The following PLCH1 variants were observed in gnomAD, a reference collection of about 807,000 sequenced individuals.
PLCH1 encodes the protein phospholipase C eta 1.
Under a neutral mutation model 126.7 loss-of-function variants are expected in PLCH1, and 60 were observed. The ratio of observed to expected loss-of-function variants is 0.47; its 90% CI spans 0.38 to 0.59. PLCH1 has a LOEUF of 0.59. Among genes scored for constraint, PLCH1 ranks in the 20% least tolerant of loss-of-function variants. The pLI is 0.00. For synonymous variants in PLCH1, 719 were observed against 734.9 expected (o/e 0.98, Z 0.35); for missense variants, 1,723 against 2,040.0 (o/e 0.84, Z 2.99).
chr3:155,723,953 CAAAAAAAAAA>C (rs34436223), intron 1 of PLCH1, among the ~76,000 whole-genome samples: 1 of 80,082 alleles, frequency 1.2e-5, no homozygotes, highest in Non-Finnish European at 2.6e-5. Flanking sequence ...AACTCCATCT[CAAAAAAAAAA>C]AAAAAAAAAA....
rs749875875 is a variant in PLCH1 at position 155,482,416 on chromosome 3, T to C, written c.3610A>G (p.Thr1204Ala). The C allele has an allele frequency of 6.2e-7, 1 of 1,614,124 alleles. No homozygotes were observed. Among genetic ancestry groups the C allele is most frequent in the Non-Finnish European group, 8.5e-7 (1 of 1,180,018 alleles). Residue 1204 changes from threonine to alanine, a missense_variant, in exon 23 of 23, where the codon ACA (threonine) becomes GCA (alanine). This residue lies in a region of PLCH1 where 947 missense variants were observed against 977.1 expected (regional missense o/e 0.97). Coordinates refer to ENST00000460012, the MANE Select transcript of PLCH1 (RefSeq NM_014996.4). ...GTATTATGAAGATGAGAAACAACTG[T>C]GAGAGCCTGATTGTTGGTCTCATCA... Reference protein sequence around the residue: ...QFDETNNQALTVVSHLHNTSV... With the variant: ...QFDETNNQALAVVSHLHNTSV...
intron 1 of PLCH1, among the ~76,000 whole-genome samples, chr3:155,713,721 C>T (rs1747314226): frequency 6.6e-6 from 1 of 152,220 alleles, no homozygotes; most frequent in African/African-American, 2.4e-5. Context: ...CTTACTAACA[C>T]TGTGTTTCAG....
chr3:155,740,790 G>A (rs975090237), intron 1 of PLCH1, among the ~76,000 whole-genome samples: 1 of 152,174 alleles, frequency 6.6e-6, no homozygotes, highest in Non-Finnish European at 1.5e-5. Flanking sequence ...GTAACTCTGC[G>A]TTGTCATCCC....
intron 8 of PLCH1, among the ~76,000 whole-genome samples, chr3:155,555,601 G>A (rs1726722368): frequency 6.6e-6 from 1 of 152,214 alleles, no homozygotes; most frequent in Non-Finnish European, 1.5e-5. Flanking sequence ...TAATTACCAT[G>A]CTAGCTCCTG....
chr3:155,606,307 C>A (rs72998907), intron 2 of PLCH1, among the ~76,000 whole-genome samples: 1,899 of 152,216 alleles, frequency 0.012, 45 homozygotes, highest in African/African-American at 0.043. Flanking sequence ...GAGGAGGAGA[C>A]CCCGTTTTAG....
chr3:155,618,128 T>G (rs4425301), intron 2 of PLCH1, among the ~76,000 whole-genome samples: 28,909 of 152,168 alleles, frequency 0.19, 3,552 homozygotes, highest in African/African-American at 0.35. Flanking sequence ...GCAAACAAAT[T>G]GGTTCTACCA....
chr3:155,643,177 G>A (rs1228156172), intron 2 of PLCH1, among the ~76,000 whole-genome samples: 1 of 152,090 alleles, frequency 6.6e-6, no homozygotes, highest in African/African-American at 2.4e-5. Context: ...TCGAACTCCT[G>A]ACCTCCAGTG....
intron 19 of PLCH1, 71 bp downstream of exon 19, chr3:155,490,713 A>G: frequency 1.2e-6 from 1 of 863,744 alleles, no homozygotes; most frequent in Non-Finnish European, 1.9e-6. Flanking sequence ...TTCTACATAG[A>G]CACTTTTTTT....
At chr3:155,656,271 C>CT (rs1741357083) in intron 2 of PLCH1, among the ~76,000 whole-genome samples, 1 of 151,816 alleles carries the variant, frequency 6.6e-6, no homozygotes, top group African/African-American at 2.4e-5. Context: ...CCTTATGCTG[C>CT]TTATATTGTT....
intron 4 of PLCH1, 117 bp downstream of exon 4, chr3:155,593,824 A>T: frequency 9.5e-7 from 1 of 1,051,456 alleles, no homozygotes; most frequent in Non-Finnish European, 1.4e-6. Context: ...GGGGTAAAGA[A>T]AGAGAAAGGA....
chr3:155,501,070 C>T (rs967915618), intron 13 of PLCH1, among the ~76,000 whole-genome samples: 2 of 152,094 alleles, frequency 1.3e-5, no homozygotes, highest in Admixed American at 1.3e-4. Flanking sequence ...ATTAGTCATG[C>T]ATTTTGAAGG....
Position 155,591,675 on chromosome 3 carries a change from T to C in PLCH1, c.470+2266A>G, listed in dbSNP as rs943319787. 2.6e-5 allele frequency among the ~76,000 whole-genome samples: 4 copies of C among 152,326 alleles called. No homozygotes were observed. In the East Asian group the frequency reaches 7.7e-4, roughly 29 times the overall value. ...TTTATGTCTCACATTTAATCTCTAATATGACAAGTATCAATAAATAGGTCC... is the reference window on the plus strand; with the variant it reads ...TTTATGTCTCACATTTAATCTCTAACATGACAAGTATCAATAAATAGGTCC... On this transcript the variant is annotated intron_variant, in intron 4 of 22. Transcript: ENST00000460012.
At chr3:155,574,217 C>G (rs1013075025) in intron 6 of PLCH1, among the ~76,000 whole-genome samples, 23 of 151,976 alleles carry the variant, frequency 1.5e-4, no homozygotes, top group Non-Finnish European at 3.1e-4. Flanking sequence ...ACCCAGCCCC[C>G]CTTACCTCTT....
chr3:155,580,090 C>T (rs1730466527), intron 6 of PLCH1, among the ~76,000 whole-genome samples: 1 of 152,156 alleles, frequency 6.6e-6, no homozygotes, highest in Admixed American at 6.5e-5. Context: ...ATCAAACCAA[C>T]ATTAACTTAT....
chr3:155,460,239 T>A (rs866060528), intron 21 of PLCH1, among the ~76,000 whole-genome samples: 15 of 152,222 alleles, frequency 9.9e-5, no homozygotes, highest in Admixed American at 3.9e-4. Context: ...TTCCTCACAA[T>A]GTCACACAAG....
chr3:155,666,188 G>C (rs1577279060), intron 2 of PLCH1, among the ~76,000 whole-genome samples: 2 of 152,182 alleles, frequency 1.3e-5, no homozygotes, highest in Non-Finnish European at 2.9e-5. Flanking sequence ...GAGCCAAAGA[G>C]TTTTTCTACT....
At chr3:155,615,548 C>T (rs369438460) in intron 2 of PLCH1, among the ~76,000 whole-genome samples, 9 of 152,064 alleles carry the variant, frequency 5.9e-5, no homozygotes, top group Middle Eastern at 3.4e-3. Context: ...TGCCCATCAA[C>T]GAACAAGTGG....
At chr3:155,721,857 G>A (rs1285856578) in intron 1 of PLCH1, among the ~76,000 whole-genome samples, 1 of 152,116 alleles carries the variant, frequency 6.6e-6, no homozygotes, top group Non-Finnish European at 1.5e-5. Context: ...AGACCAGCCT[G>A]GCCAACATGG....
chr3:155,497,883 T>G (rs1407709287), intron 14 of PLCH1, among the ~76,000 whole-genome samples: 2 of 152,058 alleles, frequency 1.3e-5, no homozygotes, highest in Non-Finnish European at 2.9e-5. Context: ...CCAGCTAATT[T>G]TTTGTAATTT....
Sources: allele counts gnomAD v4.1 joint callset (sites outside exome capture counted in the v4.1 genomes callset), GRCh38; gene constraint gnomAD v4.1.1; regional missense constraint gnomAD v4.1.1; transcripts MANE v1.5; gene names NCBI Gene and HGNC (gene_info 2026-07-23, HGNC 2026-07-21).